The following CTNNA2 variants were observed in gnomAD, a reference collection of about 807,000 sequenced individuals.
The protein encoded by CTNNA2 is catenin alpha-2.
CTNNA2 carries 42 observed loss-of-function variants against 101.0 expected under a neutral mutation model. The ratio of observed to expected loss-of-function variants is 0.42; its 90% CI spans 0.32 to 0.54. The LOEUF (loss-of-function observed/expected upper bound fraction) is 0.54. Ranked by LOEUF, CTNNA2 falls within the 20% of genes least tolerant of loss-of-function variation. The pLI, the probability that CTNNA2 is intolerant of heterozygous loss-of-function variation, is 0.14. For missense variants in CTNNA2, 871 were observed against 1,223.1 expected (o/e 0.71, Z 4.29); for synonymous variants, 450 against 456.4 (o/e 0.99, Z 0.18).
chr2:80,475,323 G>A (rs1685644456), intron 9 of CTNNA2, among the ~76,000 whole-genome samples: 1 of 152,064 alleles, frequency 6.6e-6, no homozygotes, highest in Admixed American at 6.6e-5. Context: ...ATTTTTGAGG[G>A]TAAATCTGTT....
At chr2:79,477,453 G>A (rs981145082) in intron 4 of CTNNA2, among the ~76,000 whole-genome samples, 1 of 152,098 alleles carries the variant, frequency 6.6e-6, no homozygotes, top group African/African-American at 2.4e-5. Flanking sequence ...TTACAGGCAT[G>A]AGCCATCACA....
intron 4 of CTNNA2, among the ~76,000 whole-genome samples, chr2:79,399,435 C>T (rs1277673337): frequency 6.6e-6 from 1 of 152,006 alleles, no homozygotes; most frequent in Non-Finnish European, 1.5e-5. Context: ...AACTGCCTAC[C>T]AAAGCACTGA....
chr2:80,114,721 T>C (rs1468194507), intron 7 of CTNNA2, among the ~76,000 whole-genome samples: 1 of 152,200 alleles, frequency 6.6e-6, no homozygotes, highest in Non-Finnish European at 1.5e-5. Flanking sequence ...AATTGCATTT[T>C]CTAACCTACC....
At chr2:79,218,495 G>A (rs574156954) in intron 2 of CTNNA2, among the ~76,000 whole-genome samples, 94 of 151,848 alleles carry the variant, frequency 6.2e-4, no homozygotes, top group African/African-American at 2.2e-3. Flanking sequence ...CTTCATTTCT[G>A]TAAGTGTCAG....
chr2:79,455,503 C>CTTATTTCTA (rs1158573951), intron 4 of CTNNA2, among the ~76,000 whole-genome samples: 35 of 152,238 alleles, frequency 2.3e-4, no homozygotes, highest in South Asian at 1.5e-3. Flanking sequence ...AAACACAATC[C>CTTATTTCTA]TTATTTCTAT....
chr2:79,546,795 A>G (rs1405686978), intron 1 of CTNNA2, among the ~76,000 whole-genome samples: 2 of 152,170 alleles, frequency 1.3e-5, no homozygotes, highest in Non-Finnish European at 2.9e-5. Context: ...CAATAACTAT[A>G]TACATATTTT....
chr2:79,732,617 G>C (rs953208364), intron 2 of CTNNA2, among the ~76,000 whole-genome samples: 1 of 151,880 alleles, frequency 6.6e-6, no homozygotes, highest in Admixed American at 6.6e-5. Flanking sequence ...ATACATAAAA[G>C]TAGACATTTA....
chr2:79,769,507 T>C (rs140204420), intron 3 of CTNNA2, among the ~76,000 whole-genome samples: 6 of 152,334 alleles, frequency 3.9e-5, no homozygotes, highest in Admixed American at 2.0e-4. Flanking sequence ...ACTTCTGGAT[T>C]ATATATACCT....
At chr2:80,214,706 C>G (rs1363234492) in intron 7 of CTNNA2, among the ~76,000 whole-genome samples, 1 of 152,074 alleles carries the variant, frequency 6.6e-6, no homozygotes, top group Non-Finnish European at 1.5e-5. Flanking sequence ...TCCTTCATTT[C>G]AACTTTGGTG....
intron 3 of CTNNA2, among the ~76,000 whole-genome samples, chr2:79,826,746 C>T (rs1468918669): frequency 6.6e-6 from 1 of 152,196 alleles, no homozygotes; most frequent in African/African-American, 2.4e-5. Context: ...TGTGTGTAGG[C>T]TTCTTTCTGA....
At chr2:79,706,713 A>C (rs1392512529) in intron 2 of CTNNA2, among the ~76,000 whole-genome samples, 1 of 152,146 alleles carries the variant, frequency 6.6e-6, no homozygotes, top group African/African-American at 2.4e-5. Flanking sequence ...AGGGACTTGA[A>C]AGTATAAGAA....
At position 79,327,479 on chromosome 2, in the gene CTNNA2, C is replaced by A. The variant is rs1676773449; in HGVS notation, c.-318+14683C>A. Among the ~76,000 whole-genome samples the A allele has an allele frequency of 2.0e-5, 3 of 152,280 alleles. No individual in the cohort carries two copies. The South Asian group carries it at 6.2e-4, about 32-fold the overall frequency. On this transcript the variant is annotated intron_variant, in intron 3 of 21. Transcript: ENST00000466387. ...TTCATTCTCCTGTTCACCTGTGAGA[C>A]TAAGGCTATTGAAAAATGAAAGAAA...
intron 9 of CTNNA2, among the ~76,000 whole-genome samples, chr2:80,489,564 G>T (rs1203086151): frequency 2.6e-5 from 4 of 152,256 alleles, no homozygotes; most frequent in Non-Finnish European, 5.9e-5. Flanking sequence ...TTATATAAGG[G>T]TGTTCTGATA....
chr2:80,445,037 C>G (rs578109986), intron 9 of CTNNA2, among the ~76,000 whole-genome samples: 1 of 152,118 alleles, frequency 6.6e-6, no homozygotes, highest in Non-Finnish European at 1.5e-5. Context: ...CTCTTAAGTT[C>G]ACAATTTGAG....
intron 9 of CTNNA2, among the ~76,000 whole-genome samples, chr2:80,497,194 A>G (rs902224825): frequency 6.6e-6 from 1 of 152,206 alleles, no homozygotes; most frequent in Admixed American, 6.5e-5. Flanking sequence ...TTACTATCAT[A>G]TGAGCTCACA....
chr2:79,437,247 T>A (rs1314270386), intron 4 of CTNNA2, among the ~76,000 whole-genome samples: 2 of 144,260 alleles, frequency 1.4e-5, no homozygotes, highest in African/African-American at 2.5e-5. Flanking sequence ...AAAAAAAAAA[T>A]TAGAGATATA....
At chr2:79,341,122 C>A (rs1481159246) in intron 3 of CTNNA2, among the ~76,000 whole-genome samples, 4 of 152,062 alleles carry the variant, frequency 2.6e-5, no homozygotes, top group African/African-American at 9.7e-5. Flanking sequence ...GGCTTACATT[C>A]ATCACACAAC....
chr2:80,134,255 G>T (rs1166763516), intron 7 of CTNNA2, among the ~76,000 whole-genome samples: 1 of 152,130 alleles, frequency 6.6e-6, no homozygotes, highest in Non-Finnish European at 1.5e-5. Context: ...GAAACACAGA[G>T]CAAGAAGGAG....
intron 7 of CTNNA2, among the ~76,000 whole-genome samples, chr2:80,021,999 G>T: frequency 6.6e-6 from 1 of 152,250 alleles, no homozygotes; most frequent in African/African-American, 2.4e-5. Context: ...CCCAGTAGAA[G>T]ACAAACAGTC....
Sources: allele counts gnomAD v4.1 joint callset (sites outside exome capture counted in the v4.1 genomes callset), GRCh38; gene constraint gnomAD v4.1.1; transcripts MANE v1.5; gene names NCBI Gene and HGNC (gene_info 2026-07-23, HGNC 2026-07-21).